Variants in FARS2 observed in about 807,000 individuals in gnomAD.
FARS2 encodes the protein phenylalanyl-tRNA synthetase 2, mitochondrial.
FARS2 carries 40 observed loss-of-function variants against 46.4 expected under a neutral mutation model. The ratio of observed to expected loss-of-function variants is 0.86; its 90% CI spans 0.67 to 1.12. The LOEUF (loss-of-function observed/expected upper bound fraction) is 1.12, where lower values mean the gene tolerates loss of function less well. FARS2 is among the 50% of genes most tolerant of loss of function. The probability of loss-of-function intolerance (pLI) is 0.00; values close to 1 mark genes in which losing one functional copy is unlikely to be tolerated. For synonymous variants in FARS2, 234 were observed against 214.9 expected, an observed-to-expected ratio of 1.09 and a Z score of -0.78; for missense variants, 513 against 567.9, an observed-to-expected ratio of 0.90 and a Z score of 0.98.
At chr6:5,538,724 C>T (rs998983094) in intron 4 of FARS2, among the ~76,000 whole-genome samples, 3 of 152,102 alleles carry the variant, frequency 2.0e-5, no homozygotes, top group South Asian at 4.1e-4. Context: ...AGGCCAATGA[C>T]ACAATGCAGG....
chr6:5,445,624 A>G (rs1380063416), intron 4 of FARS2, among the ~76,000 whole-genome samples: 1 of 152,232 alleles, frequency 6.6e-6, no homozygotes, highest in African/African-American at 2.4e-5. Context: ...ATAGTCACCT[A>G]AGTATGGCAA....
chr6:5,670,350 ATTTACTTACTAAACATT>A lies in FARS2; in HGVS notation c.1217+57049_1217+57065del, dbSNP rs1266987166. Among the ~76,000 whole-genome samples the A allele has an allele frequency of 9.2e-5, 14 of 152,312 alleles. No individual in the cohort carries two copies. In the East Asian group the frequency reaches 2.5e-3, roughly 27 times the overall value. On this transcript the variant is annotated intron_variant, in intron 6 of 6. Transcript: ENST00000274680. The stretch of plus-strand genomic sequence containing the variant: ...TGTGGATATCACAATTCAGGAAATC[ATTTACTTACTAAACATT>A]TTTACTTACTAAACATTTACTTACT...
chr6:5,695,464 A>G (rs942091659), intron 6 of FARS2, among the ~76,000 whole-genome samples: 2 of 152,268 alleles, frequency 1.3e-5, no homozygotes, highest in African/African-American at 4.8e-5. Flanking sequence ...ATCTCAGGGA[A>G]GTAAAGCCAC....
chr6:5,366,230 A>G (rs933335209), intron 1 of FARS2, among the ~76,000 whole-genome samples: 1 of 152,204 alleles, frequency 6.6e-6, no homozygotes, highest in Non-Finnish European at 1.5e-5. Context: ...TTTGTTGGTA[A>G]AGTGGTACGA....
At chr6:5,688,823 T>G (rs2150855271) in intron 6 of FARS2, among the ~76,000 whole-genome samples, 1 of 152,306 alleles carries the variant, frequency 6.6e-6, no homozygotes, top group East Asian at 1.9e-4. Context: ...TGTGAATCCA[T>G]CTGGTCCTGG....
In FARS2 at chr6:5,322,459, G is replaced by GT. The variant is rs113011143; in HGVS notation, c.-21-46082dup. 4.4e-3 allele frequency among the ~76,000 whole-genome samples: 663 copies of GT among 151,878 alleles called. 3 individuals carry two copies. The highest frequency in any genetic ancestry group is 0.014 in the Middle Eastern group (4 of 294). On this transcript the variant is annotated intron_variant, in intron 1 of 6. Transcript: ENST00000274680. ...GCACTGAGCATGTTCTCATTGAGTA[G>GT]TTTTTTTTTAACCAGAATGAAGGCA...
chr6:5,409,036 G>A (rs1241833025), intron 3 of FARS2, among the ~76,000 whole-genome samples: 2 of 152,118 alleles, frequency 1.3e-5, no homozygotes, highest in East Asian at 3.8e-4. Context: ...ATTTGTATTT[G>A]CGTAGCTTTC....
At chr6:5,469,697 G>C (rs1190368114) in intron 4 of FARS2, among the ~76,000 whole-genome samples, 1 of 152,222 alleles carries the variant, frequency 6.6e-6, no homozygotes, top group African/African-American at 2.4e-5. Context: ...AAAATATGCG[G>C]TCATTGCTTC....
intron 5 of FARS2, among the ~76,000 whole-genome samples, chr6:5,611,865 A>T (rs1775207405): frequency 6.6e-6 from 1 of 152,170 alleles, no homozygotes; most frequent in Non-Finnish European, 1.5e-5. Flanking sequence ...GTGGTACCTC[A>T]GCTTGGATTA....
At chr6:5,706,215 C>T (rs1472773555) in intron 6 of FARS2, among the ~76,000 whole-genome samples, 1 of 152,204 alleles carries the variant, frequency 6.6e-6, no homozygotes, top group Non-Finnish European at 1.5e-5. Flanking sequence ...GATGTGACAA[C>T]AGGCAGAACT....
At chr6:5,769,551 C>A (rs756808736) in intron 6 of FARS2, among the ~76,000 whole-genome samples, 13 of 152,214 alleles carry the variant, frequency 8.5e-5, no homozygotes, top group Non-Finnish European at 1.9e-4. Flanking sequence ...GTGCCTCCCC[C>A]AGGAGTCAGG....
At chr6:5,678,072 C>G (rs904083741) in intron 6 of FARS2, among the ~76,000 whole-genome samples, 6 of 152,066 alleles carry the variant, frequency 3.9e-5, no homozygotes, top group African/African-American at 1.4e-4. Context: ...CTGAGCAAAA[C>G]GAAGAGCCTG....
intron 4 of FARS2, among the ~76,000 whole-genome samples, chr6:5,529,638 A>G (rs1311012570): frequency 4.6e-5 from 7 of 152,132 alleles, no homozygotes; most frequent in Non-Finnish European, 1.0e-4. Flanking sequence ...GAATGAGTAA[A>G]TGAATATTAG....
chr6:5,586,933 C>T (rs1341716668), intron 5 of FARS2, among the ~76,000 whole-genome samples: 1 of 152,034 alleles, frequency 6.6e-6, no homozygotes, highest in Non-Finnish European at 1.5e-5. Flanking sequence ...CTATAACCTA[C>T]CAAGGTTGAG....
chr6:5,540,017 A>G (rs1770522064), intron 4 of FARS2, among the ~76,000 whole-genome samples: 1 of 152,142 alleles, frequency 6.6e-6, no homozygotes, highest in Non-Finnish European at 1.5e-5. Context: ...TGCCATCATC[A>G]TGGCAACCAT....
At chr6:5,494,788 A>G (rs761091978) in intron 4 of FARS2, among the ~76,000 whole-genome samples, 3 of 152,090 alleles carry the variant, frequency 2.0e-5, no homozygotes, top group Non-Finnish European at 4.4e-5. Flanking sequence ...AGGCTTTATT[A>G]TTTTCTTTTT....
intron 4 of FARS2, among the ~76,000 whole-genome samples, chr6:5,542,855 A>G (rs1770717618): frequency 6.6e-6 from 1 of 152,082 alleles, no homozygotes; most frequent in Non-Finnish European, 1.5e-5. Flanking sequence ...TACTTAGAGA[A>G]GTATGTTGTT....
Position 5,670,060 on chromosome 6 carries a change from G to A in FARS2, c.1217+56740G>A, listed in dbSNP as rs531945702. Among the ~76,000 whole-genome samples, 23 of 152,030 alleles carry A rather than the reference G, an allele frequency of 1.5e-4. No homozygotes were observed. The South Asian group carries it at 3.8e-3, about 25-fold the overall frequency. On this transcript the variant is annotated intron_variant, in intron 6 of 6. Transcript: ENST00000274680. The stretch of plus-strand genomic sequence containing the variant: ...ATTATTTTGTTGTATATTTTCTTTC[G>A]TAGGCCTCCTTAAAATTCTCGTAGA...
chr6:5,677,711 C>T (rs1009040116), intron 6 of FARS2, among the ~76,000 whole-genome samples: 1 of 152,172 alleles, frequency 6.6e-6, no homozygotes, highest in African/African-American at 2.4e-5. Flanking sequence ...ATTGTTCTTC[C>T]CTGTGAGCTT....
Sources: allele counts gnomAD v4.1 joint callset (sites outside exome capture counted in the v4.1 genomes callset), GRCh38; gene constraint gnomAD v4.1.1; transcripts MANE v1.5; gene names NCBI Gene and HGNC (gene_info 2026-07-23, HGNC 2026-07-21).